FCGR2A: variants seen among roughly 807,000 people sequenced by gnomAD.
The protein encoded by FCGR2A is low affinity immunoglobulin gamma Fc region receptor II-a.
Under a neutral mutation model 29.3 loss-of-function variants are expected in FCGR2A, and 18 were observed. The observed-to-expected ratio is 0.62, with a 90% CI of 0.43 to 0.91. The LOEUF is 0.91. FCGR2A is among the 40% of genes least tolerant of loss of function. The pLI, the probability that FCGR2A is intolerant of heterozygous loss-of-function variation, is 0.00. For missense variants in FCGR2A, 287 were observed against 393.0 expected (o/e 0.73, Z 2.28); for synonymous variants, 126 against 144.8 (o/e 0.87, Z 0.93).
intron 5 of FCGR2A, among the ~76,000 whole-genome samples, chr1:161,512,346 T>TG (rs1043817549): frequency 6.8e-6 from 1 of 147,382 alleles, no homozygotes; most frequent in South Asian, 2.2e-4. Flanking sequence ...GAGAAAATTC[T>TG]GGGGGGCTAG....
Position 161,505,639 on chromosome 1 carries a change from G to C in FCGR2A, c.85+87G>C, listed in dbSNP as rs563908162. 451 of 1,099,710 alleles carry C rather than the reference G, an allele frequency of 4.1e-4. 1 individual carries two copies. The highest frequency in any genetic ancestry group is 5.6e-4 in the Non-Finnish European group (403 of 713,796). 68.1% of individuals were successfully genotyped at this position (1,099,710 alleles called of 1,614,324 possible). On this transcript the variant is annotated intron_variant, in intron 1 of 6. Coordinates refer to ENST00000271450, the MANE Select transcript of FCGR2A (RefSeq NM_001136219.3). ...TACCAGTGTGGTAAGGAGCAGGCCTGGGCCCTGGAAGCAGGGGATAGATTG... is the reference window on the plus strand; with the variant it reads ...TACCAGTGTGGTAAGGAGCAGGCCTCGGCCCTGGAAGCAGGGGATAGATTG...
chr1:161,509,227 C>T (rs770199886), intron 3 of FCGR2A, among the ~76,000 whole-genome samples: 26 of 152,142 alleles, frequency 1.7e-4, no homozygotes, highest in Admixed American at 2.6e-4. Flanking sequence ...CTTTCCAGCC[C>T]CCAGAACAGG....
At chr1:161,511,099 G>C in intron 5 of FCGR2A, 143 bp downstream of exon 5, 7 of 1,335,550 alleles carry the variant, frequency 5.2e-6, no homozygotes, top group Non-Finnish European at 7.4e-6. Context: ...TCATTTATTA[G>C]TTCATCCTCA....
At chr1:161,523,020 G>C (rs974624942), downstream of FCGR2A, 1 of 152,166 alleles carries the variant, frequency 6.6e-6, no homozygotes, top group African/African-American at 2.4e-5. Context: ...ACAAATGGAA[G>C]TTTCCTCTGA....
downstream of FCGR2A, among the ~76,000 whole-genome samples, chr1:161,522,644 G>A (rs1676499712): frequency 6.6e-6 from 1 of 152,114 alleles, no homozygotes; most frequent in African/African-American, 2.4e-5. Flanking sequence ...CCCTGAGAGT[G>A]AGTGAATTTA....
downstream of FCGR2A, chr1:161,522,981 T>C (rs1676512994): frequency 6.6e-6 from 1 of 152,148 alleles, no homozygotes; most frequent in Non-Finnish European, 1.5e-5. Context: ...TAGCCATCTA[T>C]GGAGTAAGGG....
At chr1:161,521,775 A>G (rs555912922), downstream of FCGR2A, among the ~76,000 whole-genome samples, 229 of 152,110 alleles carry the variant, frequency 1.5e-3, 2 homozygotes, top group African/African-American at 5.1e-3. Flanking sequence ...ACCTTTTGCC[A>G]TGATTGTGAG....
intron 5 of FCGR2A, among the ~76,000 whole-genome samples, chr1:161,512,247 A>C (rs10918887): frequency 1.4e-5 from 2 of 146,738 alleles, no homozygotes; most frequent in African/African-American, 2.5e-5. Context: ...GAAACCCCTC[A>C]ATTTGCTGAG....
In FCGR2A at chr1:161,518,138, G is replaced by A; in HGVS notation, c.944G>A (p.Ser315Asn). 1.2e-6 allele frequency: 2 copies of A among 1,613,658 alleles called. No homozygotes were observed. The highest frequency in any genetic ancestry group is 1.7e-6 in the Non-Finnish European group (2 of 1,179,838). ...CTTCCTCCCAACGACCATGTCAACA[G>A]TAATAACTAAAGAGTAACGTTATGC... is the stretch of plus-strand genomic sequence containing the variant. ...LTLPPNDHVNSNN is the reference protein window; with the variant it reads ...LTLPPNDHVNNNN Residue 315 changes from serine (S) to asparagine (N), a missense_variant, in exon 7 of 7, where the codon AGT becomes AAT. This residue lies in a region of FCGR2A where 34 missense variants were observed against 73.5 expected (regional missense o/e 0.46). Transcript: ENST00000271450.
chr1:161,511,442 A>C (rs751362969), intron 5 of FCGR2A, among the ~76,000 whole-genome samples: 10 of 152,232 alleles, frequency 6.6e-5, no homozygotes, highest in Non-Finnish European at 1.3e-4. Flanking sequence ...TGATAAGTAA[A>C]TACAGAGAAA....
At chr1:161,515,679 C>G (rs1322867642) in intron 6 of FCGR2A, among the ~76,000 whole-genome samples, 1 of 152,026 alleles carries the variant, frequency 6.6e-6, no homozygotes. Flanking sequence ...AATGAAAAAT[C>G]TTAATAGTCC....
At chr1:161,506,093 G>C in intron 2 of FCGR2A, 86 bp downstream of exon 2, 1 of 1,415,382 alleles carries the variant, frequency 7.1e-7, no homozygotes, top group Non-Finnish European at 1.0e-6. Flanking sequence ...GGGGGGGTAT[G>C]TCTATTCCAC....
At chr1:161,516,102 T>G (rs751043764) in intron 6 of FCGR2A, among the ~76,000 whole-genome samples, 38 of 152,048 alleles carry the variant, frequency 2.5e-4, no homozygotes, top group Non-Finnish European at 4.7e-4. Context: ...CCAAATAAGC[T>G]CATGTTGTCT....
rs1177268303 is a variant in FCGR2A at position 161,506,759 on chromosome 1, G to A, written c.364+168G>A. The A allele has an allele frequency of 1.2e-5, 16 of 1,289,650 alleles. 1 individual carries two copies. Among genetic ancestry groups the A allele is most frequent in the Admixed American group, 1.1e-4 (4 of 36,014 alleles). 79.9% of individuals were successfully genotyped at this position (1,289,650 alleles called of 1,614,324 possible). ...CACCCACCCTCTTTGCTTAGCATGC[G>A]TGGTGGGGGAAGGGGGAATTTCTAA... is the stretch of plus-strand genomic sequence containing the variant. On this transcript the variant is annotated intron_variant, in intron 3 of 6. Coordinates refer to ENST00000271450, the MANE Select transcript of FCGR2A (RefSeq NM_001136219.3).
chr1:161,520,079 G>T (rs1676391001), downstream of FCGR2A: 1 of 151,992 alleles, frequency 6.6e-6, no homozygotes, highest in Admixed American at 6.6e-5. Flanking sequence ...AGCTTTCTCT[G>T]TTGGATAGTT....
chr1:161,523,654 C>T (rs41297648), downstream of FCGR2A: 6 of 152,302 alleles, frequency 3.9e-5, no homozygotes, highest in East Asian at 3.9e-4. Context: ...CTCTCTTGGG[C>T]TGAGTGGCGA....
intron 5 of FCGR2A, among the ~76,000 whole-genome samples, chr1:161,512,804 G>A (rs1207580181): frequency 4.6e-5 from 7 of 152,324 alleles, no homozygotes; most frequent in Non-Finnish European, 7.3e-5. Flanking sequence ...AAGGTTGCAC[G>A]TCCACTGGCC....
chr1:161,506,429 C>A lies in FCGR2A; in HGVS notation c.202C>A (p.Pro68Thr), dbSNP rs139832997. 1.9e-6 allele frequency: 3 copies of A among 1,614,210 alleles called. No homozygotes were observed. Among genetic ancestry groups the A allele is most frequent in the Non-Finnish European group, 2.5e-6 (3 of 1,180,036 alleles). The change falls in exon 3 of 7, where the codon CCT becomes ACT. Residue 68 changes from proline to threonine, a missense_variant. Physicochemically the swap from Pro to Thr is conservative, Grantham distance 38. Around this residue, in one of 3 missense-constraint regions of FCGR2A, gnomAD observed 181 missense variants for 250.9 expected, o/e 0.72. Coordinates refer to ENST00000271450, the MANE Select transcript of FCGR2A (RefSeq NM_001136219.3). ...TCTGACATGCCAGGGGGCTCGCAGC[C>A]CTGAGAGCGACTCCATTCAGTGGTT... is the stretch of plus-strand genomic sequence containing the variant. ...VTLTCQGARS[P>T]ESDSIQWFHN... is the part of the protein sequence containing the mutation.
At chr1:161,521,440 G>A (rs1375644196), downstream of FCGR2A, among the ~76,000 whole-genome samples, 1 of 151,944 alleles carries the variant, frequency 6.6e-6, no homozygotes, top group Non-Finnish European at 1.5e-5. Context: ...GGAGGAAGCT[G>A]TGGCCCAGAC....
Sources: allele counts gnomAD v4.1 joint callset (sites outside exome capture counted in the v4.1 genomes callset), GRCh38; gene constraint gnomAD v4.1.1; regional missense constraint gnomAD v4.1.1; transcripts MANE v1.5; gene names NCBI Gene and HGNC (gene_info 2026-07-23, HGNC 2026-07-21).